DOK6: variants seen among roughly 807,000 people sequenced by gnomAD.
The protein encoded by DOK6 is downstream of tyrosine kinase 6.
Under a neutral mutation model 44.0 loss-of-function variants are expected in DOK6, and 22 were observed. That is an observed-to-expected ratio of 0.50 (90% CI 0.36 to 0.71). DOK6 has a LOEUF of 0.71. Ranked by LOEUF, DOK6 falls within the 30% of genes least tolerant of loss-of-function variation. The pLI is 0.00. For missense variants in DOK6, 340 were observed against 416.4 expected (o/e 0.82, Z 1.60); for synonymous variants, 166 against 145.5 (o/e 1.14, Z -1.01).
chr18:69,569,966 C>G (rs1369113547), intron 2 of DOK6, among the ~76,000 whole-genome samples: 1 of 151,886 alleles, frequency 6.6e-6, no homozygotes, highest in African/African-American at 2.4e-5. Flanking sequence ...CACCTGTTCT[C>G]ACTTATAAGT....
intron 1 of DOK6, among the ~76,000 whole-genome samples, chr18:69,404,871 C>T (rs1219040712): frequency 6.6e-6 from 1 of 151,812 alleles, no homozygotes; most frequent in East Asian, 1.9e-4. Flanking sequence ...GTTTAAGAGG[C>T]AGTGTACACT....
intron 2 of DOK6, among the ~76,000 whole-genome samples, chr18:69,584,234 T>C (rs1044221203): frequency 3.3e-5 from 5 of 152,154 alleles, no homozygotes; most frequent in African/African-American, 1.2e-4. Context: ...ATTTTTCATA[T>C]CTGGGTTTTT....
chr18:69,531,602 G>A (rs1162060169), intron 1 of DOK6, among the ~76,000 whole-genome samples: 1 of 151,852 alleles, frequency 6.6e-6, no homozygotes, highest in Non-Finnish European at 1.5e-5. Context: ...AGAACCTGTA[G>A]TTCACGAAAT....
intron 1 of DOK6, among the ~76,000 whole-genome samples, chr18:69,429,865 C>G (rs1978755838): frequency 5.3e-5 from 8 of 151,488 alleles, no homozygotes; most frequent in African/African-American, 1.9e-4. Context: ...TGGAATTTTT[C>G]CAAAGATAAA....
chr18:69,755,726 G>A (rs1229613621), intron 6 of DOK6, among the ~76,000 whole-genome samples: 1 of 152,212 alleles, frequency 6.6e-6, no homozygotes, highest in African/African-American at 2.4e-5. Context: ...GTCCCCCACT[G>A]TTAGGTCCGG....
At chr18:69,475,658 A>C (rs906922630) in intron 1 of DOK6, among the ~76,000 whole-genome samples, 1 of 152,208 alleles carries the variant, frequency 6.6e-6, no homozygotes, top group Non-Finnish European at 1.5e-5. Flanking sequence ...TGTATCTTGA[A>C]AATTCATTGT....
chr18:69,646,860 G>T (rs1357439194), intron 3 of DOK6, among the ~76,000 whole-genome samples: 4 of 152,040 alleles, frequency 2.6e-5, no homozygotes, highest in African/African-American at 9.7e-5. Flanking sequence ...CTCCATCAGG[G>T]TGGGGCCCCT....
intron 3 of DOK6, among the ~76,000 whole-genome samples, chr18:69,672,166 G>A (rs1186627489): frequency 6.6e-6 from 1 of 152,174 alleles, no homozygotes; most frequent in African/African-American, 2.4e-5. Context: ...GGGAGGAAAT[G>A]AGGGGAACTC....
intron 1 of DOK6, among the ~76,000 whole-genome samples, chr18:69,505,115 C>T (rs951600604): frequency 1.3e-5 from 2 of 152,138 alleles, no homozygotes; most frequent in Admixed American, 6.5e-5. Flanking sequence ...AGTCACATCC[C>T]GTCATGCATA....
In DOK6 at chr18:69,549,026, A is replaced by G. The variant is rs552778938; in HGVS notation, c.67-15461A>G. On this transcript the variant is annotated intron_variant, in intron 1 of 7. Coordinates refer to ENST00000382713, the MANE Select transcript of DOK6 (RefSeq NM_152721.6). ...AGGAGAATGGCGTGAACCCCGGGTG[A>G]CGGAGCCTGCAGTGAGCCAAGATCG... Among the ~76,000 whole-genome samples the G allele has an allele frequency of 7.0e-3, 1,050 of 149,892 alleles. 45 individuals are homozygous for G. Among genetic ancestry groups the G allele is most frequent in the South Asian group, 0.018 (83 of 4,626 alleles).
At position 69,506,436 on chromosome 18, in the gene DOK6, C is replaced by T. The variant is rs1278712845; in HGVS notation, c.67-58051C>T. ...CAATTTATCCCTAACCCCTGACAAC[C>T]TATGATTTGTTAACTGTCTCTGTAG... On this transcript the variant is annotated intron_variant, in intron 1 of 7. Coordinates refer to ENST00000382713, the MANE Select transcript of DOK6 (RefSeq NM_152721.6). Among the ~76,000 whole-genome samples the T allele has an allele frequency of 2.6e-5, 4 of 152,100 alleles. No individual in the cohort carries two copies. In the South Asian group the frequency reaches 6.2e-4, roughly 24 times the overall value.
intron 1 of DOK6, among the ~76,000 whole-genome samples, chr18:69,425,822 G>A (rs1159916800): frequency 6.6e-6 from 1 of 151,908 alleles, no homozygotes; most frequent in African/African-American, 2.4e-5. Context: ...TGTATATTGA[G>A]TTGAAATATT....
At chr18:69,738,791 G>A (rs1978699078) in intron 5 of DOK6, among the ~76,000 whole-genome samples, 174 bp from the exon 6 acceptor site, 1 of 151,454 alleles carries the variant, frequency 6.6e-6, no homozygotes, top group Admixed American at 6.6e-5. Flanking sequence ...CCATTTTCAT[G>A]TACCATATAA....
chr18:69,746,409 C>T (rs562567632), intron 6 of DOK6, among the ~76,000 whole-genome samples: 8 of 152,206 alleles, frequency 5.3e-5, no homozygotes, highest in Non-Finnish European at 7.4e-5. Flanking sequence ...AGGCACATGC[C>T]GTCACGCCTG....
intron 1 of DOK6, 150 bp from the exon 2 acceptor site, chr18:69,564,337 A>G: frequency 1.5e-6 from 1 of 648,148 alleles, no homozygotes; most frequent in Non-Finnish European, 2.6e-6. Context: ...TCATATTTAA[A>G]AATACTGTAA....
At chr18:69,616,941 C>T (rs939962245) in intron 3 of DOK6, among the ~76,000 whole-genome samples, 1 of 152,178 alleles carries the variant, frequency 6.6e-6, no homozygotes, top group Non-Finnish European at 1.5e-5. Flanking sequence ...CTTACAGTAG[C>T]AATCTCTTAA....
At position 69,425,319 on chromosome 18, in the gene DOK6, C is replaced by A. The variant is rs186630109; in HGVS notation, c.66+24009C>A. Among the ~76,000 whole-genome samples, 12 of 152,022 alleles carry A rather than the reference C, an allele frequency of 7.9e-5. No individual in the cohort carries two copies. The East Asian group carries it at 2.3e-3, about 29-fold the overall frequency. ...TCACAGCTTGTCACAGTGCTACCTG[C>A]TACTTAGGACCATTTAAAAAGCCAC... On this transcript the variant is annotated intron_variant, in intron 1 of 7. Transcript: ENST00000382713.
chr18:69,798,848 C>T (rs887214139), intron 7 of DOK6, among the ~76,000 whole-genome samples: 3 of 152,044 alleles, frequency 2.0e-5, no homozygotes, highest in Admixed American at 2.0e-4. Context: ...TTAGCTTCAA[C>T]TTATTCCTAC....
chr18:69,564,409 T>C, intron 1 of DOK6, 78 bp from the exon 2 acceptor site: 1 of 1,241,600 alleles, frequency 8.1e-7, no homozygotes, highest in Non-Finnish European at 1.1e-6. Context: ...ACTTAAAAAA[T>C]TGATTAATTG....
Sources: allele counts gnomAD v4.1 joint callset (sites outside exome capture counted in the v4.1 genomes callset), GRCh38; gene constraint gnomAD v4.1.1; transcripts MANE v1.5; gene names NCBI Gene and HGNC (gene_info 2026-07-23, HGNC 2026-07-21).